Variants in CLSTN2 observed in about 807,000 individuals in gnomAD.
CLSTN2 encodes calsyntenin 2.
In CLSTN2, 48 loss-of-function variants were observed where a neutral mutation model predicts 101.2. The ratio of observed to expected loss-of-function variants is 0.47; its 90% CI spans 0.38 to 0.60. CLSTN2 has a LOEUF of 0.60. CLSTN2 is among the 20% of genes least tolerant of loss of function. The pLI, the probability that CLSTN2 is intolerant of heterozygous loss-of-function variation, is 0.00. For missense variants in CLSTN2, 1,160 were observed against 1,238.2 expected (o/e 0.94, Z 0.95); for synonymous variants, 481 against 463.6 (o/e 1.04, Z -0.48).
At chr3:140,124,123 G>A (rs867433473) in intron 1 of CLSTN2, among the ~76,000 whole-genome samples, 5 of 152,076 alleles carry the variant, frequency 3.3e-5, no homozygotes, top group Non-Finnish European at 5.9e-5. Flanking sequence ...GCTGGAGAAA[G>A]GCATATGGGG....
chr3:140,293,504 G>A (rs2086974238), intron 2 of CLSTN2, among the ~76,000 whole-genome samples: 1 of 152,176 alleles, frequency 6.6e-6, no homozygotes, highest in African/African-American at 2.4e-5. Flanking sequence ...GAGAAAAGGT[G>A]CTTGGGCTGA....
intron 2 of CLSTN2, among the ~76,000 whole-genome samples, chr3:140,295,286 T>C (rs9864847): frequency 0.38 from 57,806 of 152,032 alleles, 12,057 homozygotes; most frequent in Non-Finnish European, 0.48. Flanking sequence ...TGTGGAAATA[T>C]TGAACTTTTC....
At chr3:139,979,641 T>C (rs1404007167) in intron 1 of CLSTN2, among the ~76,000 whole-genome samples, 2 of 152,216 alleles carry the variant, frequency 1.3e-5, no homozygotes, top group Non-Finnish European at 1.5e-5. Context: ...TTCTCACAAC[T>C]TTTTGGAAAA....
chr3:139,998,656 G>A (rs2006746672), intron 1 of CLSTN2, among the ~76,000 whole-genome samples: 1 of 152,020 alleles, frequency 6.6e-6, no homozygotes, highest in Non-Finnish European at 1.5e-5. Context: ...TTTTAGGAGA[G>A]TTCCCTAAAG....
At chr3:140,280,720 C>G (rs1291497809) in intron 2 of CLSTN2, among the ~76,000 whole-genome samples, 1 of 152,170 alleles carries the variant, frequency 6.6e-6, no homozygotes, top group African/African-American at 2.4e-5. Flanking sequence ...GTACACTTCA[C>G]TTGCAATTAT....
At chr3:140,190,285 C>T (rs2010541354) in intron 2 of CLSTN2, among the ~76,000 whole-genome samples, 1 of 152,002 alleles carries the variant, frequency 6.6e-6, no homozygotes, top group South Asian at 2.1e-4. Flanking sequence ...GTGTCAATGG[C>T]CCCACCAAAA....
At chr3:140,523,068 G>A (rs570630039) in intron 8 of CLSTN2, among the ~76,000 whole-genome samples, 2 of 152,036 alleles carry the variant, frequency 1.3e-5, no homozygotes, top group Non-Finnish European at 2.9e-5. Flanking sequence ...TGCATTTTTA[G>A]GTTTGTTTCT....
At chr3:140,039,367 A>G (rs16849740) in intron 1 of CLSTN2, among the ~76,000 whole-genome samples, 18,762 of 152,136 alleles carry the variant, frequency 0.12, 1,516 homozygotes, top group African/African-American at 0.22. Flanking sequence ...AGTGTAATAC[A>G]TTTTGCCAAA....
intron 2 of CLSTN2, among the ~76,000 whole-genome samples, chr3:140,336,645 C>A (rs879937549): frequency 3.3e-5 from 5 of 152,204 alleles, no homozygotes; most frequent in Admixed American, 3.3e-4. Context: ...CACACAGACA[C>A]CCCAGCTTTC....
Position 140,314,128 on chromosome 3 carries a change from A to G in CLSTN2, c.233-89501A>G, listed in dbSNP as rs146271310. Among the ~76,000 whole-genome samples the G allele has an allele frequency of 3.9e-3, 597 of 152,296 alleles. 1 individual carries two copies. Among genetic ancestry groups the G allele is most frequent in the African/African-American group, 0.013 (547 of 41,560 alleles). On this transcript the variant is annotated intron_variant, in intron 2 of 16. Coordinates refer to ENST00000458420, the MANE Select transcript of CLSTN2 (RefSeq NM_022131.3). ...CCTGTCTCATGCAATCATCACAACA[A>G]TCCCATAGGTGTTTTCTTCTTATTT...
chr3:140,356,630 C>T (rs576502183), intron 2 of CLSTN2, among the ~76,000 whole-genome samples: 354 of 151,686 alleles, frequency 2.3e-3, no homozygotes, highest in African/African-American at 3.6e-3. Flanking sequence ...TGGTGACGCA[C>T]GCCTGTCATC....
rs182330213 is a variant in CLSTN2, at chr3:140,504,112, A to G, written c.1345-28212A>G. Among the ~76,000 whole-genome samples the G allele has an allele frequency of 1.6e-3, 246 of 152,284 alleles. 1 individual carries two copies. Among genetic ancestry groups the G allele is most frequent in the African/African-American group, 4.9e-3 (203 of 41,564 alleles). ...CCAGATCACTAGAGAGGGAGCCTACAAGGCTTTGCCAGGCAGTTCTGAGGC... is the reference window on the plus strand; with the variant it reads ...CCAGATCACTAGAGAGGGAGCCTACGAGGCTTTGCCAGGCAGTTCTGAGGC... On this transcript the variant is annotated intron_variant, in intron 8 of 16. Transcript: ENST00000458420.
In CLSTN2 at chr3:140,558,865, T is replaced by G. The variant is rs753223445; in HGVS notation, c.2041+8T>G. On this transcript the variant is annotated splice_region_variant and intron_variant, in intron 12 of 16. Coordinates refer to ENST00000458420, the MANE Select transcript of CLSTN2 (RefSeq NM_022131.3). ...GGGACGTGAAAACCACAGGTACAGG[T>G]GCATTTGAGTTTGTGGGGAGGGTGG... is the stretch of plus-strand genomic sequence containing the variant. 9.9e-6 allele frequency: 16 copies of G among 1,611,180 alleles called. No individual in the cohort carries two copies. Among genetic ancestry groups the G allele is most frequent in the East Asian group, 2.2e-5 (1 of 44,810 alleles).
intron 1 of CLSTN2, among the ~76,000 whole-genome samples, chr3:140,068,017 T>G (rs2008327943): frequency 6.6e-6 from 1 of 152,244 alleles, no homozygotes; most frequent in Non-Finnish European, 1.5e-5. Context: ...GACACAGCTC[T>G]GTTCTTTTAG....
intron 5 of CLSTN2, among the ~76,000 whole-genome samples, chr3:140,435,241 C>A (rs1186124517): frequency 1.3e-5 from 2 of 151,994 alleles, no homozygotes; most frequent in East Asian, 1.9e-4. Context: ...CCTTTAGTAA[C>A]CATCCTTCTA....
intron 5 of CLSTN2, among the ~76,000 whole-genome samples, chr3:140,445,463 C>T (rs1933056498): frequency 6.6e-6 from 1 of 152,172 alleles, no homozygotes; most frequent in Admixed American, 6.5e-5. Flanking sequence ...TGGGAGGGCT[C>T]TCCTACACTA....
chr3:140,523,987 C>CT (rs1230634904), intron 8 of CLSTN2, among the ~76,000 whole-genome samples: 2 of 152,234 alleles, frequency 1.3e-5, no homozygotes, highest in Non-Finnish European at 2.9e-5. Flanking sequence ...CCATCCAACT[C>CT]TCCCTCTCTA....
At chr3:140,421,409 G>T (rs1218868394) in intron 5 of CLSTN2, 135 bp downstream of exon 5, 9 of 1,084,968 alleles carry the variant, frequency 8.3e-6, no homozygotes, top group Non-Finnish European at 1.2e-5. Flanking sequence ...AAAGTAGCTT[G>T]CTTATTCTCA....
In CLSTN2 at chr3:140,133,700, C is replaced by T. The variant is rs2009558261; in HGVS notation, c.110-42251C>T. Among the ~76,000 whole-genome samples, 4 of 152,152 alleles carry T rather than the reference C, an allele frequency of 2.6e-5. No individual in the cohort carries two copies. The South Asian group carries it at 8.3e-4, about 32-fold the overall frequency. On this transcript the variant is annotated intron_variant, in intron 1 of 16. Transcript: ENST00000458420. The stretch of plus-strand genomic sequence containing the variant: ...TGTTGTTGGGAGGTCAACCGCATTA[C>T]ATAGTACTGGAATAGCTTGGGAGGC...
Sources: allele counts gnomAD v4.1 joint callset (sites outside exome capture counted in the v4.1 genomes callset), GRCh38; gene constraint gnomAD v4.1.1; transcripts MANE v1.5; gene names NCBI Gene and HGNC (gene_info 2026-07-23, HGNC 2026-07-21).